Variants in PTPRD observed in about 807,000 individuals in gnomAD.
The protein encoded by PTPRD is protein tyrosine phosphatase receptor type D.
PTPRD carries 34 observed loss-of-function variants against 214.5 expected under a neutral mutation model. That is an observed-to-expected ratio of 0.16 (90% CI 0.12 to 0.21). The LOEUF (loss-of-function observed/expected upper bound fraction) is 0.21, where lower values mean the gene tolerates loss of function less well. Among genes scored for constraint, PTPRD ranks in the 10% least tolerant of loss-of-function variants. The probability of loss-of-function intolerance (pLI) is 1.00; values close to 1 mark genes in which losing one functional copy is unlikely to be tolerated. For synonymous variants in PTPRD, 1,128 were observed against 845.7 expected (o/e 1.33, Z -5.79); for missense variants, 2,545 against 2,398.7 (o/e 1.06, Z -1.27).
At chr9:8,330,304 T>C (rs889912864) in intron 44 of PTPRD, among the ~76,000 whole-genome samples, 1 of 152,154 alleles carries the variant, frequency 6.6e-6, no homozygotes, top group Admixed American at 6.5e-5. Context: ...GAGCTATTCC[T>C]ATTCAGCCAT....
intron 9 of PTPRD, among the ~76,000 whole-genome samples, chr9:9,263,982 G>C (rs749358869): frequency 1.3e-5 from 2 of 151,604 alleles, no homozygotes; most frequent in African/African-American, 2.4e-5. Context: ...CTCATCCATA[G>C]AAAAATTTGG....
At chr9:9,471,286 G>T (rs1050802316) in intron 8 of PTPRD, among the ~76,000 whole-genome samples, 2 of 152,216 alleles carry the variant, frequency 1.3e-5, no homozygotes, top group South Asian at 4.2e-4. Context: ...ATGAATGAAG[G>T]CCAAAGGAAA....
At chr9:9,291,934 T>C (rs1951293924) in intron 9 of PTPRD, among the ~76,000 whole-genome samples, 1 of 150,840 alleles carries the variant, frequency 6.6e-6, no homozygotes, top group African/African-American at 2.4e-5. Flanking sequence ...GTATTATAAA[T>C]TTCTTGATTT....
At chr9:9,547,448 G>C (rs1039817573) in intron 8 of PTPRD, among the ~76,000 whole-genome samples, 1 of 151,964 alleles carries the variant, frequency 6.6e-6, no homozygotes, top group African/African-American at 2.4e-5. Context: ...ACTTAATTAG[G>C]AATCAAGCTG....
chr9:9,922,079 G>A (rs1424617392), intron 5 of PTPRD, among the ~76,000 whole-genome samples: 1 of 152,076 alleles, frequency 6.6e-6, no homozygotes, highest in East Asian at 1.9e-4. Context: ...CTGCCTATAT[G>A]CCCACAGTGT....
intron 7 of PTPRD, among the ~76,000 whole-genome samples, chr9:9,657,157 C>T (rs1375516972): frequency 6.6e-6 from 1 of 151,870 alleles, no homozygotes; most frequent in Non-Finnish European, 1.5e-5. Context: ...TTGGATCCTC[C>T]ACCTGTGTCA....
At chr9:8,475,506 G>C (rs934980242) in intron 30 of PTPRD, among the ~76,000 whole-genome samples, 10 of 151,902 alleles carry the variant, frequency 6.6e-5, no homozygotes, top group South Asian at 2.1e-4. Context: ...TCAGTTCTTA[G>C]CTATATGCAA....
intron 9 of PTPRD, among the ~76,000 whole-genome samples, chr9:9,204,440 C>G (rs1198934685): frequency 1.3e-5 from 2 of 152,112 alleles, no homozygotes; most frequent in Non-Finnish European, 2.9e-5. Context: ...GTTTAATCCA[C>G]TCATGTTTGG....
intron 5 of PTPRD, among the ~76,000 whole-genome samples, chr9:9,863,659 G>A (rs2063282194): frequency 6.6e-6 from 1 of 152,134 alleles, no homozygotes; most frequent in Admixed American, 6.5e-5. Context: ...TATTAAGAAT[G>A]GACATGTGAC....
At chr9:10,481,877 G>C (rs1270983120) in intron 2 of PTPRD, among the ~76,000 whole-genome samples, 1 of 152,054 alleles carries the variant, frequency 6.6e-6, no homozygotes, top group Non-Finnish European at 1.5e-5. Flanking sequence ...AGATTCATTT[G>C]CTTCTGAAAT....
At chr9:10,069,985 A>G (rs1331762412) in intron 3 of PTPRD, among the ~76,000 whole-genome samples, 1 of 152,072 alleles carries the variant, frequency 6.6e-6, no homozygotes, top group East Asian at 1.9e-4. Flanking sequence ...CACACTGATT[A>G]TTGTTAAAAC....
chr9:8,586,322 A>T (rs1173577268), intron 14 of PTPRD, among the ~76,000 whole-genome samples: 11 of 152,270 alleles, frequency 7.2e-5, no homozygotes, highest in African/African-American at 2.6e-4. Flanking sequence ...AATTTATAAT[A>T]TCTTGTGTAT....
chr9:8,845,875 G>C (rs899763474), intron 11 of PTPRD, among the ~76,000 whole-genome samples: 1 of 152,204 alleles, frequency 6.6e-6, no homozygotes, highest in Non-Finnish European at 1.5e-5. Context: ...TGTTAGGGCG[G>C]TCATTTGAAT....
intron 11 of PTPRD, among the ~76,000 whole-genome samples, chr9:8,843,979 T>C (rs1244721487): frequency 6.6e-6 from 1 of 152,128 alleles, no homozygotes; most frequent in East Asian, 1.9e-4. Context: ...CTAATTGGTA[T>C]CTGAAAAATG....
chr9:9,636,720 A>T (rs1055391367), intron 7 of PTPRD, among the ~76,000 whole-genome samples: 2 of 152,242 alleles, frequency 1.3e-5, no homozygotes, highest in African/African-American at 4.8e-5. Context: ...AGAGAGAAAG[A>T]TTTCAATATA....
chr9:9,816,415 A>T (rs929900392), intron 5 of PTPRD, among the ~76,000 whole-genome samples: 9 of 152,078 alleles, frequency 5.9e-5, no homozygotes, highest in African/African-American at 2.2e-4. Context: ...CCACACAAAT[A>T]AGCTATCTAA....
intron 11 of PTPRD, among the ~76,000 whole-genome samples, chr9:8,780,056 T>G (rs1003112319): frequency 6.6e-6 from 1 of 152,072 alleles, no homozygotes; most frequent in African/African-American, 2.4e-5. Flanking sequence ...TCATAAGCCC[T>G]CAGTGCTCCA....
At chr9:9,833,275 G>T (rs1227621543) in intron 5 of PTPRD, among the ~76,000 whole-genome samples, 15 of 152,016 alleles carry the variant, frequency 9.9e-5, no homozygotes, top group African/African-American at 3.6e-4. Context: ...TTTAAAGCTG[G>T]GCATCCGGGG....
At chr9:9,998,408 G>A (rs1004201099) in intron 4 of PTPRD, among the ~76,000 whole-genome samples, 1 of 151,856 alleles carries the variant, frequency 6.6e-6, no homozygotes, top group African/African-American at 2.4e-5. Flanking sequence ...AAGCACTACA[G>A]CCAGTCTCTC....
Sources: gnomAD v4.1 joint callset for allele counts (sites outside exome capture counted in the v4.1 genomes callset) on GRCh38, gnomAD v4.1.1 for gene constraint, MANE v1.5 for transcripts, NCBI Gene and HGNC (gene_info 2026-07-23, HGNC 2026-07-21) for gene names.